Variants in SOX9 observed in about 807,000 individuals in gnomAD.
SOX9 encodes SRY-box transcription factor 9.
SOX9 carries 2 observed loss-of-function variants against 44.8 expected under a neutral mutation model. The ratio of observed to expected loss-of-function variants is 0.04; its 90% CI spans 0.02 to 0.14. The LOEUF is 0.14. SOX9 is among the 10% of genes least tolerant of loss of function. SOX9 has a pLI of 1.00. For synonymous variants in SOX9, 381 were observed against 331.8 expected (o/e 1.15, Z -1.61); for missense variants, 583 against 728.6 (o/e 0.80, Z 2.30).
Position 72,121,533 on chromosome 17 carries a change from C to A in SOX9, c.142C>A (p.Pro48Thr), listed in dbSNP as rs754474934. The part of the protein sequence containing the change: ...GSGSDTENTR[P>T]QENTFPKGEP... ...CGGCTCGGACACCGAGAACACGCGG[C>A]CCCAGGAGAACACGTTCCCCAAGGG... Residue 48 changes from proline (P) to threonine (T), a missense_variant, in exon 1 of 3, where the codon CCC (proline) becomes ACC (threonine). Physicochemically the swap from Pro to Thr is conservative, Grantham distance 38. Transcript: ENST00000245479. This position sits in a 1 kb window ranked among gnomAD's most constrained non-coding sequence, Gnocchi z 8.3. 1.9e-6 allele frequency: 3 copies of A among 1,608,744 alleles called. No individual in the cohort carries two copies. In the Admixed American group the frequency reaches 5.0e-5, roughly 27 times the overall value.
rs1169811800 is a variant in SOX9, at chr17:72,123,894, C to T, written c.1037C>T (p.Pro346Leu). ...MSKQQAPPPP[P>L]QQPPQAPPAP... ...AAGCAGCAGGCGCCGCCGCCACCCCCGCAGCAGCCCCCACAGGCCCCGCCG... is the reference window on the plus strand; with the variant it reads ...AAGCAGCAGGCGCCGCCGCCACCCCTGCAGCAGCCCCCACAGGCCCCGCCG... Residue 346 changes from proline (P) to leucine (L), a missense_variant, in exon 3 of 3, where the codon CCG becomes CTG. Physicochemically the swap from Pro to Leu is moderately conservative, Grantham distance 98 (BLOSUM62 -3). Transcript: ENST00000245479. This position sits in a 1 kb window ranked among gnomAD's most constrained non-coding sequence, Gnocchi z 6.5. 5 of 1,464,926 alleles carry T rather than the reference C, an allele frequency of 3.4e-6. No homozygotes were observed. Among genetic ancestry groups the T allele is most frequent in the Non-Finnish European group, 4.5e-6 (5 of 1,110,812 alleles). The allele number at this position is 1,464,926 out of a possible 1,614,324, so 90.7% of individuals were successfully genotyped here. A position where few individuals can be genotyped will look rare whatever the true frequency, so the allele number is the denominator to read the frequency against.
intron 1 of SOX9, among the ~76,000 whole-genome samples, 190 bp from the exon 2 acceptor site, chr17:72,122,529 A>T (rs1270990039): frequency 4.0e-5 from 6 of 151,728 alleles, no homozygotes; most frequent in Non-Finnish European, 8.8e-5. Context: ...GACTGCAATA[A>T]CTTATTTATT....
rs915600220 is a variant in SOX9 at position 72,121,860 on chromosome 17, C to T, written c.431+38C>T. 1 of 1,510,486 alleles carries T rather than the reference C, an allele frequency of 6.6e-7. No homozygotes were observed. Among genetic ancestry groups the T allele is most frequent in the South Asian group, 1.3e-5 (1 of 76,680 alleles). The allele number at this position is 1,510,486 out of a possible 1,614,324, so 93.6% of individuals were successfully genotyped here. A position where few individuals can be genotyped will look rare whatever the true frequency, so the allele number is the denominator to read the frequency against. The stretch of plus-strand genomic sequence containing the variant: ...GGGGGCGGCGCGGCAGGGTGGGCAT[C>T]GCGGCGGCTGGGGGCGCTGGTCAGG... On this transcript the variant is annotated intron_variant, in intron 1 of 2. Coordinates refer to ENST00000245479, the MANE Select transcript of SOX9 (RefSeq NM_000346.4). The surrounding 1 kb of genome is among the most constrained non-coding windows in gnomAD (Gnocchi z 8.3).
At position 72,123,833 on chromosome 17, in the gene SOX9, G is replaced by C; in HGVS notation, c.976G>C (p.Ala326Pro). Residue 326 changes from alanine (A) to proline (P), a missense_variant, in exon 3 of 3, where the codon GCC (alanine) becomes CCC (proline). Physicochemically the swap from Ala to Pro is conservative, Grantham distance 27. Coordinates refer to ENST00000245479, the MANE Select transcript of SOX9 (RefSeq NM_000346.4). This position sits in a 1 kb window ranked among gnomAD's most constrained non-coding sequence, Gnocchi z 6.5. ...TGSYGISSTA[A>P]TPASAGHVWM... ...CAGCTACGGCATCAGCAGCACCGCG[G>C]CCACCCCGGCGAGCGCGGGCCACGT... is the stretch of plus-strand genomic sequence containing the variant. The C allele has an allele frequency of 1.2e-6, 2 of 1,605,452 alleles. No individual in the cohort carries two copies.
In SOX9 at chr17:72,123,431, G is replaced by A. The variant is rs1417362969; in HGVS notation, c.686-112G>A. On this transcript the variant is annotated intron_variant, in intron 2 of 2. Transcript: ENST00000245479. This position sits in a 1 kb window ranked among gnomAD's most constrained non-coding sequence, Gnocchi z 6.5. ...TGCAGCGCGCCTCTTGCGCGGGTGC[G>A]GGCCCTTATTACACTTTAGCAGCGA... 4.4e-5 allele frequency: 64 copies of A among 1,455,666 alleles called. No homozygotes were observed. The highest frequency in any genetic ancestry group is 1.7e-5 in the Admixed American group (1 of 58,698). 90.2% of individuals were successfully genotyped at this position (1,455,666 alleles called of 1,614,324 possible).
chr17:72,122,028 G>T (rs1264168021), intron 1 of SOX9, among the ~76,000 whole-genome samples: 1 of 152,232 alleles, frequency 6.6e-6, no homozygotes, highest in Non-Finnish European at 1.5e-5. Flanking sequence ...ACGCGGAGGA[G>T]GGGGGTGGTA....
In SOX9 at chr17:72,125,014, A is replaced by C; in HGVS notation, c.*627A>C. On this transcript the variant is annotated 3_prime_UTR_variant, in exon 3 of 3. Transcript: ENST00000245479. ...TGCTTTCTCTTACAAAAAGAAAAAA[A>C]AAATCCTGTTGTATTAACATTTAAA... 4.4e-6 allele frequency: 1 copy of C among 226,802 alleles called. No homozygotes were observed. Among genetic ancestry groups the C allele is most frequent in the Non-Finnish European group, 8.8e-6 (1 of 113,626 alleles). The allele number at this position is 226,802 out of a possible 1,614,324, so 14.0% of individuals were successfully genotyped here.
Position 72,121,903 on chromosome 17 carries a change from C to T in SOX9, c.431+81C>T, listed in dbSNP as rs1404356768. 7.0e-7 allele frequency: 1 copy of T among 1,429,580 alleles called. No homozygotes were observed. Among genetic ancestry groups the T allele is most frequent in the Non-Finnish European group, 9.2e-7 (1 of 1,085,346 alleles). 88.6% of individuals were successfully genotyped at this position (1,429,580 alleles called of 1,614,324 possible). On this transcript the variant is annotated intron_variant, in intron 1 of 2. Coordinates refer to ENST00000245479, the MANE Select transcript of SOX9 (RefSeq NM_000346.4). This position sits in a 1 kb window ranked among gnomAD's most constrained non-coding sequence, Gnocchi z 8.3. ...TGGTCAGGGCTGATTTGCCCCGCCCCGCCTCCCATCGCCCGGGAGTTGCCG... is the reference window on the plus strand; with the variant it reads ...TGGTCAGGGCTGATTTGCCCCGCCCTGCCTCCCATCGCCCGGGAGTTGCCG...
rs1204803560 is a variant in SOX9 at position 72,125,155 on chromosome 17, G to C, written c.*768G>C. 5 of 226,952 alleles carry C rather than the reference G, an allele frequency of 2.2e-5. No homozygotes were observed. Among genetic ancestry groups the C allele is most frequent in the Non-Finnish European group, 3.5e-5 (4 of 114,106 alleles). 14.1% of individuals were successfully genotyped at this position (226,952 alleles called of 1,614,324 possible). A position where few individuals can be genotyped will look rare whatever the true frequency, so the allele number is the denominator to read the frequency against. On this transcript the variant is annotated 3_prime_UTR_variant, in exon 3 of 3. Transcript: ENST00000245479. ...AATAAAGGCCTTATTTTGCAATTAT[G>C]GGAGTAAACAATAGTCTAGAGAAGC...
Position 72,123,903 on chromosome 17 carries a change from C to A in SOX9, c.1046C>A (p.Pro349His), listed in dbSNP as rs1313459777. ...QQAPPPPPQQ[P>H]PQAPPAPQAP... ...GCGCCGCCGCCACCCCCGCAGCAGC[C>A]CCCACAGGCCCCGCCGGCCCCGCAG... The change falls in exon 3 of 3, where the codon CCC (proline) becomes CAC (histidine). Residue 349 changes from proline (P) to histidine (H), a missense_variant. By Grantham distance (77) the Pro-to-His change is moderately conservative (BLOSUM62 -2). This residue lies in a region of SOX9 where 349 missense variants were observed against 387.0 expected (regional missense o/e 0.90). Transcript: ENST00000245479. This position sits in a 1 kb window ranked among gnomAD's most constrained non-coding sequence, Gnocchi z 6.5. The A allele has an allele frequency of 2.2e-6, 3 of 1,350,376 alleles. No individual in the cohort carries two copies. The East Asian group carries it at 9.1e-5, about 41-fold the overall frequency. 83.6% of individuals were successfully genotyped at this position (1,350,376 alleles called of 1,614,324 possible). A position where few individuals can be genotyped will look rare whatever the true frequency, so the allele number is the denominator to read the frequency against.
rs1054252895 is a variant in SOX9 at position 72,123,195 on chromosome 17, A to C, written c.685+223A>C. Among the ~76,000 whole-genome samples, 6 of 152,158 alleles carry C rather than the reference A, an allele frequency of 3.9e-5. No homozygotes were observed. The highest frequency in any genetic ancestry group is 2.6e-4 in the Admixed American group (4 of 15,280). On this transcript the variant is annotated intron_variant, in intron 2 of 2. Coordinates refer to ENST00000245479, the MANE Select transcript of SOX9 (RefSeq NM_000346.4). This position sits in a 1 kb window ranked among gnomAD's most constrained non-coding sequence, Gnocchi z 6.5. The stretch of plus-strand genomic sequence containing the variant: ...CAACTCAATCCCAGCATCCGAAGAG[A>C]TTAACTTTTTTATTGGGAGGTAAAA...
rs1567910118 is a variant in SOX9, at chr17:72,121,509, G to A, written c.118G>A (p.Gly40Ser). 6.2e-7 allele frequency: 1 copy of A among 1,609,888 alleles called. No homozygotes were observed. ...SAGSPCPSGS[G>S]SDTENTRPQE... The stretch of plus-strand genomic sequence containing the variant: ...GGGCTCGCCCTGCCCGTCGGGCTCC[G>A]GCTCGGACACCGAGAACACGCGGCC... Residue 40 changes from glycine to serine, a missense_variant, in exon 1 of 3, where the codon GGC becomes AGC. Physicochemically the swap from Gly to Ser is moderately conservative, Grantham distance 56. This residue lies in a region of SOX9 where 101 missense variants were observed against 98.6 expected (regional missense o/e 1.02). Coordinates refer to ENST00000245479, the MANE Select transcript of SOX9 (RefSeq NM_000346.4). This position sits in a 1 kb window ranked among gnomAD's most constrained non-coding sequence, Gnocchi z 8.3.
In SOX9 at chr17:72,124,646, A is replaced by G. The variant is rs1598177274; in HGVS notation, c.*259A>G. The G allele has an allele frequency of 3.5e-6, 2 of 574,096 alleles. No homozygotes were observed. Among genetic ancestry groups the G allele is most frequent in the East Asian group, 5.9e-5 (2 of 34,000 alleles). The allele number at this position is 574,096 out of a possible 1,614,324, so 35.6% of individuals were successfully genotyped here. ...CAGTGGCCAGGCCAACCTTGGCTAAATGGAGCAGCGAAATCAACGAGAAAC... is the reference window on the plus strand; with the variant it reads ...CAGTGGCCAGGCCAACCTTGGCTAAGTGGAGCAGCGAAATCAACGAGAAAC... On this transcript the variant is annotated 3_prime_UTR_variant, in exon 3 of 3. Transcript: ENST00000245479. The surrounding 1 kb of genome is among the most constrained non-coding windows in gnomAD (Gnocchi z 4.6).
rs1359136483 is a variant in SOX9 at position 72,124,232 on chromosome 17, G to A, written c.1375G>A (p.Gly459Ser). The change falls in exon 3 of 3, where the codon GGC becomes AGC. Residue 459 changes from glycine to serine, a missense_variant. Around this residue, in one of 7 missense-constraint regions of SOX9, gnomAD observed 349 missense variants for 387.0 expected, o/e 0.90. Transcript: ENST00000245479. This position sits in a 1 kb window ranked among gnomAD's most constrained non-coding sequence, Gnocchi z 4.6. ...SSYYSHAAGQ[G>S]TGLYSTFTYM... ...CTACTACAGCCACGCGGCAGGCCAG[G>A]GCACCGGCCTCTACTCCACCTTCAC... The A allele has an allele frequency of 3.7e-6, 6 of 1,613,172 alleles. No individual in the cohort carries two copies. Among genetic ancestry groups the A allele is most frequent in the Non-Finnish European group, 5.1e-6 (6 of 1,179,810 alleles).
chr17:72,122,956 C>A lies in SOX9; in HGVS notation c.669C>A (p.Ser223=), dbSNP rs762443212. 63 of 1,613,544 alleles carry A rather than the reference C, an allele frequency of 3.9e-5. No homozygotes were observed. Among genetic ancestry groups the A allele is most frequent in the Non-Finnish European group, 5.1e-5 (60 of 1,179,970 alleles). Residue 223 remains serine (S), a synonymous_variant, in exon 2 of 3, where the codon TCC becomes TCA. Coordinates refer to ENST00000245479, the MANE Select transcript of SOX9 (RefSeq NM_000346.4). Reference sequence around the variant, plus strand: ...CCTCCGGCATGAGCGAGGTGCACTCCCCCGGCGAGCACTCGGGTGAGTCGC... The same window carrying A: ...CCTCCGGCATGAGCGAGGTGCACTCACCCGGCGAGCACTCGGGTGAGTCGC... ...HSSSGMSEVH[S]PGEHSGQSQG... is the part of the protein sequence containing the mutation.
In SOX9 at chr17:72,124,962, T is replaced by G. The variant is rs1346904123; in HGVS notation, c.*575T>G. On this transcript the variant is annotated 3_prime_UTR_variant, in exon 3 of 3. Coordinates refer to ENST00000245479, the MANE Select transcript of SOX9 (RefSeq NM_000346.4). This position sits in a 1 kb window ranked among gnomAD's most constrained non-coding sequence, Gnocchi z 4.6. ...TTGAACAGTGTGCCCTAGCTTTTCT[T>G]GCAACCAGAGTATTTTTGTACAGAT... is the stretch of plus-strand genomic sequence containing the variant. 4.4e-6 allele frequency: 1 copy of G among 227,512 alleles called. No homozygotes were observed. Among genetic ancestry groups the G allele is most frequent in the Non-Finnish European group, 8.8e-6 (1 of 113,730 alleles). The allele number at this position is 227,512 out of a possible 1,614,324, so 14.1% of individuals were successfully genotyped here.
In SOX9 at chr17:72,123,104, C is replaced by G. The variant is rs12950966; in HGVS notation, c.685+132C>G. 454,022 of 1,104,550 alleles carry G rather than the reference C, an allele frequency of 0.41. 100,590 individuals are homozygous for G. The highest frequency in any genetic ancestry group is 0.57 in the East Asian group (21,940 of 38,830). 68.4% of individuals were successfully genotyped at this position (1,104,550 alleles called of 1,614,324 possible). On this transcript the variant is annotated intron_variant, in intron 2 of 2. Transcript: ENST00000245479. The surrounding 1 kb of genome is among the most constrained non-coding windows in gnomAD (Gnocchi z 6.5). ...GGGACACACTGCCCTTTGCGCCCGTCCCGCTCCCCTCTCTACCCAGAGCCT... is the reference window on the plus strand; with the variant it reads ...GGGACACACTGCCCTTTGCGCCCGTGCCGCTCCCCTCTCTACCCAGAGCCT...
In SOX9 at chr17:72,121,290, G is replaced by T. The variant is rs1320373759; in HGVS notation, c.-102G>T. The T allele has an allele frequency of 9.1e-7, 1 of 1,103,218 alleles. No individual in the cohort carries two copies. The highest frequency in any genetic ancestry group is 1.3e-6 in the Non-Finnish European group (1 of 745,030). 68.3% of individuals were successfully genotyped at this position (1,103,218 alleles called of 1,614,324 possible). ...AGCTTCCCCGGGAGCCGCTTGCTCC[G>T]CATCCGGGCAGCCGAGGGGAGAGGA... On this transcript the variant is annotated 5_prime_UTR_variant, in exon 1 of 3. Coordinates refer to ENST00000245479, the MANE Select transcript of SOX9 (RefSeq NM_000346.4). The surrounding 1 kb of genome is among the most constrained non-coding windows in gnomAD (Gnocchi z 8.3).
rs758276307 is a variant in SOX9 at position 72,122,711 on chromosome 17, C to T, written c.432-8C>T. On this transcript the variant is annotated splice_region_variant and splice_polypyrimidine_tract_variant and intron_variant, in intron 1 of 2. Coordinates refer to ENST00000245479, the MANE Select transcript of SOX9 (RefSeq NM_000346.4). ...TTTTCTCTGTGCCCCCCGCCCCGCC[C>T]CGAGCAGACTTCTGAACGAGAGCGA... is the stretch of plus-strand genomic sequence containing the variant. The T allele has an allele frequency of 6.8e-6, 11 of 1,613,666 alleles. No individual in the cohort carries two copies. Among genetic ancestry groups the T allele is most frequent in the Non-Finnish European group, 6.8e-6 (8 of 1,179,908 alleles).
Sources: gnomAD v4.1 joint callset for allele counts (sites outside exome capture counted in the v4.1 genomes callset) on GRCh38, gnomAD v4.1.1 for gene constraint, gnomAD v4.1.1 regional missense constraint, Gnocchi (gnomAD v3.1) non-coding constraint, MANE v1.5 for transcripts, NCBI Gene and HGNC (gene_info 2026-07-23, HGNC 2026-07-21) for gene names.